SYTL5: variants seen among roughly 807,000 people sequenced by gnomAD.
The protein encoded by SYTL5 is synaptotagmin like 5.
A neutral mutation model predicts 55.9 loss-of-function variants in SYTL5; 34 were observed. That is an observed-to-expected ratio of 0.61 (90% CI 0.46 to 0.81). The LOEUF (loss-of-function observed/expected upper bound fraction) is 0.81. Ranked by LOEUF, SYTL5 falls within the 30% of genes least tolerant of loss-of-function variation. The probability of loss-of-function intolerance (pLI) is 0.00; values close to 1 mark genes in which losing one functional copy is unlikely to be tolerated. For missense variants in SYTL5, 637 were observed against 546.7 expected (o/e 1.17, Z -1.65); for synonymous variants, 221 against 188.7 (o/e 1.17, Z -1.40).
intron 1 of SYTL5, among the ~76,000 whole-genome samples, chrX:38,011,229 T>C (rs1331251639): frequency 8.9e-6 from 1 of 112,630 alleles, no homozygotes; most frequent in Admixed American, 9.4e-5. Context: ...AGTAATCCAA[T>C]GTCCAGTAAT....
the SYTL5 span, chrX:37,991,008 C>T: frequency 1.7e-6 from 2 of 1,212,015 alleles, no homozygotes; most frequent in Non-Finnish European, 2.2e-6. Flanking sequence ...CCTTACCTTG[C>T]TCGATTGCCT....
chrX:37,930,646 G>A, the SYTL5 span, among the ~76,000 whole-genome samples: 1 of 112,043 alleles, frequency 8.9e-6, no homozygotes, highest in African/African-American at 3.2e-5. Context: ...TTTTGCAGGT[G>A]AATCTCATCC....
chrX:38,066,111 C>T (rs1448462293), intron 3 of SYTL5, among the ~76,000 whole-genome samples: 3 of 110,546 alleles, frequency 2.7e-5, no homozygotes, highest in African/African-American at 9.9e-5. Context: ...AAAAAAAATG[C>T]TGTGTAATTA....
chrX:37,990,928 G>T, the SYTL5 span: 5 of 1,210,129 alleles, frequency 4.1e-6, no homozygotes, highest in Non-Finnish European at 5.6e-6. Context: ...GTCCCTAGGA[G>T]CTTCGTGGAC....
At chrX:38,051,669 C>A (rs1380756560) in intron 2 of SYTL5, among the ~76,000 whole-genome samples, 4 of 110,972 alleles carry the variant, frequency 3.6e-5, no homozygotes, top group Non-Finnish European at 5.7e-5. Context: ...AGGATCTGTG[C>A]CTGCTTATGT....
the SYTL5 span, among the ~76,000 whole-genome samples, chrX:37,899,996 A>G: frequency 2.7e-5 from 3 of 112,295 alleles, no homozygotes; most frequent in Admixed American, 2.8e-4. Flanking sequence ...TCATTATATC[A>G]TATTCAGTAT....
chrX:37,976,754 G>A, the SYTL5 span, among the ~76,000 whole-genome samples: 1 of 103,335 alleles, frequency 9.7e-6, no homozygotes, highest in African/African-American at 3.6e-5. Context: ...GCAGATCACC[G>A]ACCAGCCTTG....
the SYTL5 span, among the ~76,000 whole-genome samples, chrX:37,926,772 A>T: frequency 4.5e-5 from 5 of 111,762 alleles, no homozygotes; most frequent in African/African-American, 1.6e-4. Context: ...CTCAACCGTG[A>T]TAATTTATTT....
intron 1 of SYTL5, among the ~76,000 whole-genome samples, chrX:38,014,871 T>C (rs1333581314): frequency 8.9e-6 from 1 of 112,349 alleles, no homozygotes; most frequent in East Asian, 2.8e-4. Flanking sequence ...CCCTGTCCTT[T>C]GTCCACAAGA....
the SYTL5 span, among the ~76,000 whole-genome samples, chrX:37,971,034 G>T: frequency 2.7e-5 from 3 of 111,971 alleles, no homozygotes; most frequent in Admixed American, 1.9e-4. Context: ...TAAGTCACAT[G>T]AGCTTGAAAA....
At chrX:38,011,889 T>G (rs1158517657) in intron 1 of SYTL5, among the ~76,000 whole-genome samples, 1 of 111,565 alleles carries the variant, frequency 9.0e-6, no homozygotes, top group Admixed American at 9.6e-5. Context: ...GGATTTTTTT[T>G]TTTTACTTTT....
At chrX:38,121,200 C>A (rs1404993846) in intron 14 of SYTL5, among the ~76,000 whole-genome samples, 4 of 111,725 alleles carry the variant, frequency 3.6e-5, no homozygotes, top group African/African-American at 1.3e-4. Flanking sequence ...GGGGACGGTG[C>A]AAAACCACTC....
At chrX:38,038,748 A>C in intron 2 of SYTL5, among the ~76,000 whole-genome samples, 1 of 112,297 alleles carries the variant, frequency 8.9e-6, no homozygotes, top group African/African-American at 3.2e-5. Context: ...AATCAGTTTC[A>C]GAAGGAAATG....
the SYTL5 span, among the ~76,000 whole-genome samples, chrX:37,893,629 A>ATATATAAT: frequency 0.038 from 2,607 of 68,751 alleles, 764 homozygotes; most frequent in African/African-American, 0.3. Context: ...TATATAATCT[A>ATATATAAT]TATATATAAT....
chrX:38,110,428 T>C lies in SYTL5; in HGVS notation c.1542T>C (p.Phe514=). ...TCCTCGGGGAAGTAGAGATTCCTTT[T>C]GACTCATGGAACTTTGAAAATCCAA... ...NSFLGEVEIP[F]DSWNFENPTD... is the part of the protein sequence containing the mutation. Residue 514 remains phenylalanine (F), a synonymous_variant, in exon 13 of 17, where the codon TTT becomes TTC. Transcript: ENST00000297875. 1.7e-6 allele frequency: 2 copies of C among 1,209,338 alleles called. No individual in the cohort carries two copies. Among genetic ancestry groups the C allele is most frequent in the Non-Finnish European group, 2.2e-6 (2 of 894,134 alleles).
the SYTL5 span, among the ~76,000 whole-genome samples, chrX:37,929,991 T>C: frequency 8.9e-6 from 1 of 111,951 alleles, no homozygotes; most frequent in Non-Finnish European, 1.9e-5. Context: ...AACCATTAAC[T>C]TTAGGGTAAA....
At chrX:38,041,682 T>C (rs1342246906) in intron 2 of SYTL5, among the ~76,000 whole-genome samples, 1 of 112,254 alleles carries the variant, frequency 8.9e-6, no homozygotes, top group Admixed American at 9.4e-5. Context: ...AACTTTAATT[T>C]TGATTCTAGA....
intron 3 of SYTL5, among the ~76,000 whole-genome samples, chrX:38,056,118 A>G (rs923476412): frequency 1.8e-5 from 2 of 111,276 alleles, no homozygotes; most frequent in African/African-American, 3.3e-5. Context: ...GACCCCCACT[A>G]CCCTTCCCAG....
At chrX:38,004,026 TA>T (rs1933925907), upstream of SYTL5, among the ~76,000 whole-genome samples, 1 of 112,382 alleles carries the variant, frequency 8.9e-6, no homozygotes, top group African/African-American at 3.2e-5. Context: ...TGCCAGTTTT[TA>T]AATCAGATCA....
Sources: allele counts gnomAD v4.1 joint callset (sites outside exome capture counted in the v4.1 genomes callset), GRCh38; gene constraint gnomAD v4.1.1; transcripts MANE v1.5; gene names NCBI Gene and HGNC (gene_info 2026-07-23, HGNC 2026-07-21).